Variants in C10orf143 observed in about 807,000 individuals in gnomAD.
The protein encoded by C10orf143 is uncharacterized protein C10orf143.
intron 3 of C10orf143, among the ~76,000 whole-genome samples, chr10:130,048,960 C>T (rs1424742861): frequency 6.6e-6 from 1 of 152,176 alleles, no homozygotes; most frequent in Admixed American, 6.5e-5. Context: ...CTACCTCGGC[C>T]TCCCCAGTCA....
chr10:130,053,948 CG>C lies in C10orf143; in HGVS notation c.298-17979del, dbSNP rs569115654. On this transcript the variant is annotated intron_variant and NMD_transcript_variant, in intron 3 of 5. Transcript: ENST00000643056. ...AGTGTCTGAACCCAAATGGAAAGGA[CG>C]AGAGCAAGTGTGAGCCATCCCTCCA... Among the ~76,000 whole-genome samples, 9 of 152,254 alleles carry C rather than the reference CG, an allele frequency of 5.9e-5. No individual in the cohort carries two copies. In the South Asian group the frequency reaches 1.9e-3, roughly 32 times the overall value.
At chr10:130,081,100 T>A (rs1009421741) in intron 1 of C10orf143, among the ~76,000 whole-genome samples, 6 of 152,188 alleles carry the variant, frequency 3.9e-5, no homozygotes, top group Non-Finnish European at 5.9e-5. Context: ...ACAGATGTAC[T>A]TAAAATCAAG....
chr10:130,099,844 ATT>A (rs1334180296), intron 1 of C10orf143, among the ~76,000 whole-genome samples: 4 of 94,866 alleles, frequency 4.2e-5, no homozygotes, highest in Admixed American at 1.4e-4. Flanking sequence ...TTTTTTCTTT[ATT>A]TTTTTTTTTT....
At chr10:130,087,439 A>G (rs983195184) in intron 1 of C10orf143, among the ~76,000 whole-genome samples, 3 of 152,216 alleles carry the variant, frequency 2.0e-5, no homozygotes, top group African/African-American at 7.2e-5. Context: ...AGAAAGGTGA[A>G]GCAGGAGCGT....
intron 2 of C10orf143, 35 bp downstream of exon 2, chr10:130,079,702 T>A (rs1468933440): frequency 1.5e-5 from 6 of 398,680 alleles, no homozygotes; most frequent in African/African-American, 1.2e-4. Context: ...TATTTCAACA[T>A]GCTCACAAGT....
At chr10:130,052,494 A>T (rs1308997766) in intron 3 of C10orf143, among the ~76,000 whole-genome samples, 1 of 152,170 alleles carries the variant, frequency 6.6e-6, no homozygotes, top group Non-Finnish European at 1.5e-5. Flanking sequence ...CAGCCAGGAC[A>T]CGTGAGGTGC....
intron 1 of C10orf143, among the ~76,000 whole-genome samples, chr10:130,100,831 G>A (rs750856312): frequency 5.3e-5 from 8 of 152,150 alleles, no homozygotes; most frequent in Non-Finnish European, 1.2e-4. Context: ...TAGCATCAGG[G>A]AACTGTGGGA....
chr10:130,053,605 G>A (rs1037690898), intron 3 of C10orf143, among the ~76,000 whole-genome samples: 49 of 152,192 alleles, frequency 3.2e-4, no homozygotes, highest in African/African-American at 1.1e-3. Flanking sequence ...GCTGTTGGGC[G>A]TGAGACTCAA....
At chr10:130,082,133 T>G (rs930155563) in intron 1 of C10orf143, among the ~76,000 whole-genome samples, 2 of 151,896 alleles carry the variant, frequency 1.3e-5, no homozygotes, top group Admixed American at 6.6e-5. Flanking sequence ...AAGTTTGGCT[T>G]CAAATCACTG....
chr10:130,050,160 G>A (rs891618562), intron 3 of C10orf143, among the ~76,000 whole-genome samples: 3 of 152,274 alleles, frequency 2.0e-5, no homozygotes, highest in African/African-American at 4.8e-5. Flanking sequence ...CTGGCAGGCT[G>A]CAGGCGCATG....
intron 1 of C10orf143, among the ~76,000 whole-genome samples, chr10:130,088,921 T>C (rs1489179448): frequency 6.6e-6 from 1 of 152,226 alleles, no homozygotes; most frequent in Non-Finnish European, 1.5e-5. Context: ...ACTGAACTCC[T>C]GCATTACCAG....
intron 1 of C10orf143, among the ~76,000 whole-genome samples, chr10:130,101,864 CCAAAA>C (rs1564970419): frequency 5.4e-4 from 13 of 24,172 alleles, no homozygotes; most frequent in Non-Finnish European, 1.0e-3. Context: ...AAAAAAAAAA[CCAAAA>C]AAAAAAAAAA....
chr10:130,107,607 C>G (rs756944374), intron 1 of C10orf143: 35 of 1,343,746 alleles, frequency 2.6e-5, no homozygotes, highest in East Asian at 2.3e-5. Context: ...GGTCCCTCAT[C>G]ATTGGGTCGG....
intron 3 of C10orf143, among the ~76,000 whole-genome samples, chr10:130,040,985 T>A (rs1249685762): frequency 6.6e-6 from 1 of 152,080 alleles, no homozygotes; most frequent in East Asian, 1.9e-4. Flanking sequence ...ACACTGGATC[T>A]TAGTGAGGGC....
intron 3 of C10orf143, chr10:130,068,565 C>T (rs562130300): frequency 7.8e-6 from 1 of 127,598 alleles, no homozygotes; most frequent in Non-Finnish European, 1.6e-5. Context: ...GAGCTGAGAT[C>T]ATGCCATTGC....
rs540347443 is a variant in C10orf143, at chr10:130,108,803, C to A, written c.69+1901G>T. The stretch of plus-strand genomic sequence containing the variant: ...TAGGTGTAGACAAATGTGAAAGTAA[C>A]TTTATGCTTAAATAAATTTTAGTTG... On this transcript the variant is annotated intron_variant, in intron 1 of 3. Transcript: ENST00000637128. Among the ~76,000 whole-genome samples the A allele has an allele frequency of 5.9e-5, 9 of 152,244 alleles. No homozygotes were observed. In the South Asian group the frequency reaches 1.9e-3, roughly 32 times the overall value.
chr10:130,091,779 T>TCAA (rs1474865995), intron 1 of C10orf143, among the ~76,000 whole-genome samples: 3 of 151,942 alleles, frequency 2.0e-5, no homozygotes, highest in Non-Finnish European at 4.4e-5. Context: ...TACACAAGTA[T>TCAA]CAACAGCCAA....
At chr10:130,071,407 T>C (rs1861030851) in intron 3 of C10orf143, among the ~76,000 whole-genome samples, 1 of 152,224 alleles carries the variant, frequency 6.6e-6, no homozygotes, top group Non-Finnish European at 1.5e-5. Context: ...ACTAGTAAGG[T>C]TGAACACCTA....
intron 3 of C10orf143, among the ~76,000 whole-genome samples, chr10:130,044,056 A>G (rs1274746753): frequency 1.3e-5 from 2 of 152,008 alleles, no homozygotes; most frequent in African/African-American, 4.8e-5. Flanking sequence ...AGAGGGAGAG[A>G]GAGATGGTAA....
Sources: allele counts gnomAD v4.1 joint callset (sites outside exome capture counted in the v4.1 genomes callset), GRCh38; gene constraint gnomAD v4.1.1; transcripts MANE v1.5; gene names NCBI Gene and HGNC (gene_info 2026-07-23, HGNC 2026-07-21).